Variants in GOLGA8H observed in about 807,000 individuals in gnomAD.
GOLGA8H encodes golgin subfamily A member 8H.
A neutral mutation model predicts 82.7 loss-of-function variants in GOLGA8H; 47 were observed. That is an observed-to-expected ratio of 0.57 (90% confidence interval 0.45 to 0.73). GOLGA8H has a LOEUF of 0.73. GOLGA8H is among the 30% of genes least tolerant of loss of function. The pLI, the probability that GOLGA8H is intolerant of heterozygous loss-of-function variation, is 0.00. For synonymous variants in GOLGA8H, 108 were observed against 241.6 expected, an observed-to-expected ratio of 0.45 and a Z score of 5.13; for missense variants, 372 against 661.0, an observed-to-expected ratio of 0.56 and a Z score of 4.79.
In GOLGA8H at chr15:30,605,868, GC is replaced by G; in HGVS notation, c.77del (p.Pro26LeufsTer47). ...TTAAAAGAATATTGGCAGAAAAACA[GC>G]CCTAGAGTTCCAGCAGGAGCGAACA... ...KKLKEYWQKNSPRVPAGANRN... is the reference protein window; with the variant it reads ...KKLKEYWQKNXPRVPAGANRN... On this transcript the variant is annotated frameshift_variant, in exon 2 of 19. Transcript: ENST00000566740. LOFTEE classifies it high-confidence loss of function. 1 of 1,582,534 alleles carries G rather than the reference GC, an allele frequency of 6.3e-7. No individual in the cohort carries two copies. Among genetic ancestry groups the G allele is most frequent in the Non-Finnish European group, 8.5e-7 (1 of 1,170,184 alleles).
Position 30,615,794 on chromosome 15 carries a change from C to T in GOLGA8H, c.*1233C>T, listed in dbSNP as rs1368528139. Among the ~76,000 whole-genome samples the T allele has an allele frequency of 3.1e-5, 4 of 127,662 alleles. No individual in the cohort carries two copies. The highest frequency in any genetic ancestry group is 1.3e-4 in the African/African-American group (4 of 30,278). 83.8% of individuals were successfully genotyped at this position (127,662 alleles called of 152,430 possible). On this transcript the variant is annotated 3_prime_UTR_variant, in exon 19 of 19. Coordinates refer to ENST00000566740, the MANE Select transcript of GOLGA8H (RefSeq NM_001282490.2). ...TGACATAGGAATTTACTTCTTTTTCCTTGAATGGACAACACTTTAAAAAAT... is the reference window on the plus strand; with the variant it reads ...TGACATAGGAATTTACTTCTTTTTCTTTGAATGGACAACACTTTAAAAAAT...
At position 30,607,742 on chromosome 15, in the gene GOLGA8H, T is replaced by G. The variant is rs905139268; in HGVS notation, c.310-288T>G. Reference sequence around the variant, plus strand: ...GAACCCACTTCTCTAAATCACAAGTTGCCAGAAGGAGGGGCCTTTCTGAAA... The same window carrying G: ...GAACCCACTTCTCTAAATCACAAGTGGCCAGAAGGAGGGGCCTTTCTGAAA... On this transcript the variant is annotated intron_variant, in intron 4 of 18. Coordinates refer to ENST00000566740, the MANE Select transcript of GOLGA8H (RefSeq NM_001282490.2). The G allele has an allele frequency of 1.5e-5, 9 of 605,742 alleles. 1 individual carries two copies. The highest frequency in any genetic ancestry group is 2.6e-5 in the Non-Finnish European group (9 of 346,422). 37.5% of individuals were successfully genotyped at this position (605,742 alleles called of 1,614,324 possible).
At chr15:30,606,512 T>A (rs1595616416) in intron 2 of GOLGA8H, among the ~76,000 whole-genome samples, 1 of 151,532 alleles carries the variant, frequency 6.6e-6, no homozygotes, top group African/African-American at 2.4e-5. Context: ...GAAATTTTCA[T>A]GAGATTTGTT....
chr15:30,612,795 C>T, intron 14 of GOLGA8H, 123 bp downstream of exon 14: 3 of 1,177,752 alleles, frequency 2.5e-6, no homozygotes, highest in Non-Finnish European at 3.7e-6. Flanking sequence ...CGACCGGGTG[C>T]CTGCACTAAG....
In GOLGA8H at chr15:30,612,549, G is replaced by A. The variant is rs756845547; in HGVS notation, c.1201-48G>A. The A allele has an allele frequency of 3.2e-6, 5 of 1,579,796 alleles. No homozygotes were observed. In the South Asian group the frequency reaches 4.5e-5, roughly 14 times the overall value. ...CTGCTGAGGATGGGGCTGTGAGGGG[G>A]ACGACCTGGCAAACTCCACCCCTTC... On this transcript the variant is annotated intron_variant, in intron 13 of 18. Transcript: ENST00000566740.
intron 8 of GOLGA8H, among the ~76,000 whole-genome samples, chr15:30,609,109 A>ACGTGTGTG (rs1185931750): frequency 9.9e-6 from 1 of 100,914 alleles, no homozygotes; most frequent in African/African-American, 5.1e-5. Context: ...GAAAGAGGAA[A>ACGTGTGTG]CGTGTGTGCG....
rs570386302 is a variant in GOLGA8H at position 30,615,669 on chromosome 15, C to A, written c.*1108C>A. 7.0e-6 allele frequency among the ~76,000 whole-genome samples: 1 copy of A among 142,838 alleles called. No individual in the cohort carries two copies. The highest frequency in any genetic ancestry group is 2.3e-4 in the South Asian group (1 of 4,328). The allele number at this position is 142,838 out of a possible 152,430, so 93.7% of individuals were successfully genotyped here. A position where few individuals can be genotyped will look rare whatever the true frequency, so the allele number is the denominator to read the frequency against. ...TGAAGGAAAGCTGTGTGACACCTGG[C>A]ATTCCTCTCTGTTCACGGAGATTCT... On this transcript the variant is annotated 3_prime_UTR_variant, in exon 19 of 19. Coordinates refer to ENST00000566740, the MANE Select transcript of GOLGA8H (RefSeq NM_001282490.2).
At position 30,608,967 on chromosome 15, in the gene GOLGA8H, C is replaced by T. The variant is rs577176281; in HGVS notation, c.591+211C>T. On this transcript the variant is annotated intron_variant, in intron 8 of 18. Transcript: ENST00000566740. ...GTCACTGTGTGGAGTGAGCACTGGA[C>T]GCAGAGCTTGGAGGCCAAATGCCTG... is the stretch of plus-strand genomic sequence containing the variant. 8.4e-4 allele frequency among the ~76,000 whole-genome samples: 100 copies of T among 118,530 alleles called. 10 individuals are homozygous for T. The highest frequency in any genetic ancestry group is 3.3e-3 in the African/African-American group (94 of 28,588). 77.8% of individuals were successfully genotyped at this position (118,530 alleles called of 152,430 possible).
Position 30,608,628 on chromosome 15 carries a change from C to G in GOLGA8H, c.482-19C>G, listed in dbSNP as rs750782697. 5 of 1,600,994 alleles carry G rather than the reference C, an allele frequency of 3.1e-6. No individual in the cohort carries two copies. The South Asian group carries it at 4.4e-5, about 14-fold the overall frequency. On this transcript the variant is annotated intron_variant, in intron 7 of 18. Transcript: ENST00000566740. Reference sequence around the variant, plus strand: ...TCAGGGGGAGTCCTTTGGGCCCCATCTCAACTTTCTCATTACAGAAAAGTC... The same window carrying G: ...TCAGGGGGAGTCCTTTGGGCCCCATGTCAACTTTCTCATTACAGAAAAGTC...
chr15:30,610,361 G>A lies in GOLGA8H; in HGVS notation c.846G>A (p.Arg282=), dbSNP rs755660667. 9.3e-5 allele frequency: 132 copies of A among 1,414,066 alleles called. No individual in the cohort carries two copies. Among genetic ancestry groups the A allele is most frequent in the Non-Finnish European group, 1.8e-5 (18 of 1,028,424 alleles). 87.6% of individuals were successfully genotyped at this position (1,414,066 alleles called of 1,614,324 possible). ...QDMRRVEKLE[R]SLSKLKNQMA... Reference sequence around the variant, plus strand: ...TGCGTCGGGTAGAGAAGCTGGAGAGGAGCTTGTCCAAACTCAAAAACCAGA... The same window carrying A: ...TGCGTCGGGTAGAGAAGCTGGAGAGAAGCTTGTCCAAACTCAAAAACCAGA... Residue 282 remains arginine, a synonymous_variant, in exon 11 of 19, where the codon AGG becomes AGA. Transcript: ENST00000566740.
chr15:30,611,517 A>G (rs1477148867), intron 13 of GOLGA8H, among the ~76,000 whole-genome samples, 171 bp downstream of exon 13: 1 of 151,304 alleles, frequency 6.6e-6, no homozygotes, highest in Non-Finnish European at 1.5e-5. Context: ...TCTGACTTTT[A>G]AAGGTGGGTA....
Position 30,611,392 on chromosome 15 carries a change from G to A in GOLGA8H, c.1200+46G>A. ...CACCCCATCCAAGAAGGGCTGGGAG[G>A]CGGGCAGCAGCCTCTTGGGAGGGGA... is the stretch of plus-strand genomic sequence containing the variant. On this transcript the variant is annotated intron_variant, in intron 13 of 18. Transcript: ENST00000566740. 4.4e-6 allele frequency: 4 copies of A among 915,934 alleles called. 1 individual carries two copies. The highest frequency in any genetic ancestry group is 5.3e-5 in the East Asian group (2 of 37,896). The allele number at this position is 915,934 out of a possible 1,614,324, so 56.7% of individuals were successfully genotyped here.
Position 30,605,963 on chromosome 15 carries a change from G to T in GOLGA8H, c.168+1G>T, listed in dbSNP as rs1049504763. The T allele has an allele frequency of 1.3e-6, 2 of 1,595,118 alleles. No individual in the cohort carries two copies. Among genetic ancestry groups the T allele is most frequent in the African/African-American group, 2.7e-5 (2 of 74,364 alleles). On this transcript the variant is annotated splice_donor_variant, in intron 2 of 18. Coordinates refer to ENST00000566740, the MANE Select transcript of GOLGA8H (RefSeq NM_001282490.2). LOFTEE classifies it high-confidence loss of function. ...TGGTGGTTGCCAGCCACCTGGGGAT[G>T]TGAGTCTTGGCTGACCAGGCTTCTG...
At chr15:30,610,527 G>A (rs2060002367) in intron 11 of GOLGA8H, 138 bp downstream of exon 11, 1 of 730,744 alleles carries the variant, frequency 1.4e-6, no homozygotes, top group Non-Finnish European at 2.2e-6. Context: ...GAGACGGCGA[G>A]TCTTGTCATC....
In GOLGA8H at chr15:30,615,461, C is replaced by G. The variant is rs1339960762; in HGVS notation, c.*900C>G. ...TCCTAGCTTAGAGCATTTGTATCTA[C>G]AATACATTTTAAAGTCAGAGTTCAT... On this transcript the variant is annotated 3_prime_UTR_variant, in exon 19 of 19. Transcript: ENST00000566740. 6.6e-6 allele frequency among the ~76,000 whole-genome samples: 1 copy of G among 151,684 alleles called. No homozygotes were observed. The highest frequency in any genetic ancestry group is 2.4e-5 in the African/African-American group (1 of 41,234).
Position 30,608,538 on chromosome 15 carries a change from C to G in GOLGA8H, c.468C>G (p.Leu156=), listed in dbSNP as rs554666686. Residue 156 remains leucine, a synonymous_variant, in exon 7 of 19, where the codon CTC becomes CTG. Transcript: ENST00000566740. The part of the protein sequence containing the change: ...NTDLYHMKRS[L]RYFEEKSKDL... ...ACCTGTACCACATGAAACGTTCTCT[C>G]AGATACTTTGAAGGTGGGAATCTGG... 170 of 1,610,428 alleles carry G rather than the reference C, an allele frequency of 1.1e-4. 1 individual carries two copies. The East Asian group carries it at 3.0e-3, about 29-fold the overall frequency.
intron 11 of GOLGA8H, 130 bp downstream of exon 11, chr15:30,610,519 G>C (rs2060002152): frequency 6.3e-6 from 4 of 637,288 alleles, no homozygotes; most frequent in African/African-American, 5.8e-5. Context: ...TGTGCCAGGA[G>C]ACGGCGAGTC....
At chr15:30,609,514 G>C (rs2059982493) in intron 8 of GOLGA8H, among the ~76,000 whole-genome samples, 1 of 146,678 alleles carries the variant, frequency 6.8e-6, no homozygotes, top group Non-Finnish European at 1.5e-5. Flanking sequence ...TGTTAGCACG[G>C]TACCTGGTGA....
chr15:30,617,553 G>A lies in GOLGA8H; in HGVS notation c.*2992G>A, dbSNP rs1224574240. On this transcript the variant is annotated 3_prime_UTR_variant, in exon 19 of 19. Coordinates refer to ENST00000566740, the MANE Select transcript of GOLGA8H (RefSeq NM_001282490.2). ...GTAGTATAAAAGAAAGAAATGGTGG[G>A]AACGAAAAGCAGAGAAAGAAATGCC... is the stretch of plus-strand genomic sequence containing the variant. 6.6e-6 allele frequency: 1 copy of A among 150,888 alleles called. No homozygotes were observed. The highest frequency in any genetic ancestry group is 2.4e-5 in the African/African-American group (1 of 40,962). 9.3% of individuals were successfully genotyped at this position (150,888 alleles called of 1,614,324 possible).
Sources: allele counts gnomAD v4.1 joint callset (sites outside exome capture counted in the v4.1 genomes callset), GRCh38; gene constraint gnomAD v4.1.1; transcripts MANE v1.5; gene names NCBI Gene and HGNC (gene_info 2026-07-23, HGNC 2026-07-21).